The following GRIN2D variants were observed in gnomAD, a reference collection of about 807,000 sequenced individuals.
GRIN2D encodes the protein glutamate ionotropic receptor NMDA type subunit 2D, also known as glutamate receptor ionotropic, NMDA 2D.
Under a neutral mutation model 103.2 loss-of-function variants are expected in GRIN2D, and 37 were observed. That is an observed-to-expected ratio of 0.36 (90% CI 0.28 to 0.47). The LOEUF (loss-of-function observed/expected upper bound fraction) is 0.47. Ranked by LOEUF, GRIN2D falls within the 20% of genes least tolerant of loss-of-function variation. The pLI, the probability that GRIN2D is intolerant of heterozygous loss-of-function variation, is 1.00. For synonymous variants in GRIN2D, 845 were observed against 885.6 expected (o/e 0.95, Z 0.81); for missense variants, 1,557 against 1,910.6 (o/e 0.81, Z 3.45).
chr19:48,401,091 A>AC lies in GRIN2D; in HGVS notation c.465+2234_465+2235insC, dbSNP rs528610111. On this transcript the variant is annotated intron_variant, in intron 3 of 13. Transcript: ENST00000263269. ...GAGTGAGACTGTTCTCAAAAAAAAA[A>AC]AAAAAACAATAAACAAAAAGAACTC... 1.8e-4 allele frequency among the ~76,000 whole-genome samples: 27 copies of AC among 152,020 alleles called. No individual in the cohort carries two copies. The East Asian group carries it at 4.4e-3, about 25-fold the overall frequency.
chr19:48,398,249 G>C (rs1256062967), intron 2 of GRIN2D, 118 bp from the exon 3 acceptor site: 4 of 268,358 alleles, frequency 1.5e-5, no homozygotes, highest in Non-Finnish European at 2.4e-5. Context: ...TCCCCATCTC[G>C]GCGCCTGTCC....
intron 11 of GRIN2D, among the ~76,000 whole-genome samples, chr19:48,425,685 A>AT (rs914197882): frequency 1.3e-5 from 2 of 151,956 alleles, no homozygotes; most frequent in African/African-American, 2.4e-5. Context: ...GGATACCTGT[A>AT]TTTTTTTTCC....
chr19:48,397,223 G>A (rs1028887149), intron 2 of GRIN2D, among the ~76,000 whole-genome samples: 3 of 152,086 alleles, frequency 2.0e-5, no homozygotes, highest in Non-Finnish European at 4.4e-5. Context: ...TAGGGGTTGT[G>A]GTCAGGGTGA....
At chr19:48,396,229 G>A (rs1056243235) in intron 2 of GRIN2D, among the ~76,000 whole-genome samples, 9 of 152,092 alleles carry the variant, frequency 5.9e-5, no homozygotes, top group South Asian at 2.1e-4. Context: ...CCCTGAGGGC[G>A]TGGGTTCTGG....
chr19:48,428,105 C>T (rs546714446), intron 11 of GRIN2D, among the ~76,000 whole-genome samples: 253 of 147,214 alleles, frequency 1.7e-3, no homozygotes, highest in African/African-American at 6.0e-3. Flanking sequence ...GACATGATCT[C>T]GGCTCACTGC....
At chr19:48,422,602 T>C (rs1971037953) in intron 11 of GRIN2D, among the ~76,000 whole-genome samples, 1 of 146,066 alleles carries the variant, frequency 6.8e-6, no homozygotes. Flanking sequence ...AGAGCGAGAC[T>C]CCGTCTCAAA....
chr19:48,438,287 C>CTTTTTTTTTTTTTTTTTTTTTTT (rs71181697), intron 11 of GRIN2D, among the ~76,000 whole-genome samples: 2 of 57,726 alleles, frequency 3.5e-5, no homozygotes, highest in African/African-American at 1.5e-4. Context: ...ATCCAGCCGC[C>CTTTTTTTTTTTTTTTTTTTTTTT]TTTTTTTTTT....
At chr19:48,410,597 T>C (rs1569062345) in intron 4 of GRIN2D, among the ~76,000 whole-genome samples, 2 of 143,358 alleles carry the variant, frequency 1.4e-5, no homozygotes, top group Non-Finnish European at 3.0e-5. Flanking sequence ...TCAATGCAGG[T>C]TGAGAGGCCT....
chr19:48,442,561 C>A lies in GRIN2D; in HGVS notation c.2674-39C>A. ...AGGGGAGGCGGGCAGGCGTCCTGGG[C>A]ATCTCGCGCTGACCCCCGTCCTGTC... On this transcript the variant is annotated intron_variant, in intron 13 of 13. Coordinates refer to ENST00000263269, the MANE Select transcript of GRIN2D (RefSeq NM_000836.4). This position sits in a 1 kb window ranked among gnomAD's most constrained non-coding sequence, Gnocchi z 7.2. 2 of 1,477,606 alleles carry A rather than the reference C, an allele frequency of 1.4e-6. No individual in the cohort carries two copies. Among genetic ancestry groups the A allele is most frequent in the Non-Finnish European group, 1.8e-6 (2 of 1,120,266 alleles). The allele number at this position is 1,477,606 out of a possible 1,614,324, so 91.5% of individuals were successfully genotyped here. A position where few individuals can be genotyped will look rare whatever the true frequency, so the allele number is the denominator to read the frequency against.
chr19:48,432,392 C>T (rs111927454), intron 11 of GRIN2D, among the ~76,000 whole-genome samples: 3,218 of 152,064 alleles, frequency 0.021, 115 homozygotes, highest in African/African-American at 0.073. Context: ...CAATCGTATT[C>T]TCATGTCATT....
In GRIN2D at chr19:48,420,172, T is replaced by A. The variant is rs1023109978; in HGVS notation, c.2091+358T>A. Among the ~76,000 whole-genome samples the A allele has an allele frequency of 7.6e-4, 116 of 152,218 alleles. 1 individual carries two copies. Among genetic ancestry groups the A allele is most frequent in the Non-Finnish European group, 1.2e-3 (85 of 68,004 alleles). On this transcript the variant is annotated intron_variant, in intron 10 of 13. Transcript: ENST00000263269. Reference sequence around the variant, plus strand: ...GGCTGGGCGCGGTGGCTCACACCTGTAATCCCAGCACGTTGGGAGGCCGAG... The same window carrying A: ...GGCTGGGCGCGGTGGCTCACACCTGAAATCCCAGCACGTTGGGAGGCCGAG...
chr19:48,399,516 C>A (rs1970683930), intron 3 of GRIN2D, among the ~76,000 whole-genome samples: 1 of 152,008 alleles, frequency 6.6e-6, no homozygotes, highest in Non-Finnish European at 1.5e-5. Flanking sequence ...TGCGGTGAGC[C>A]GAGATCGTGC....
rs765801932 is a variant in GRIN2D at position 48,404,903 on chromosome 19, T to G, written c.635T>G (p.Leu212Arg). The G allele has an allele frequency of 6.2e-7, 1 of 1,614,094 alleles. No individual in the cohort carries two copies. The highest frequency in any genetic ancestry group is 8.5e-7 in the Non-Finnish European group (1 of 1,180,030). ...SYIEVLTDGS[L>R]VGWEHRGALT... ...ATTGAGGTGCTGACTGACGGTAGTC[T>G]GGTGGGCTGGGAGCACCGCGGAGCG... is the stretch of plus-strand genomic sequence containing the variant. Residue 212 changes from leucine to arginine, a missense_variant, in exon 4 of 14, where the codon CTG (leucine) becomes CGG (arginine). Physicochemically the swap from Leu to Arg is moderately radical, Grantham distance 102 (BLOSUM62 -2). This residue lies in a region of GRIN2D where 490 missense variants were observed against 601.1 expected (regional missense o/e 0.82). Transcript: ENST00000263269.
At chr19:48,408,479 A>G (rs1009150508) in intron 4 of GRIN2D, among the ~76,000 whole-genome samples, 2 of 152,000 alleles carry the variant, frequency 1.3e-5, no homozygotes, top group Non-Finnish European at 2.9e-5. Flanking sequence ...AGCCTGTGCA[A>G]CAAAGTGAGA....
chr19:48,396,037 G>C (rs2147431115), intron 2 of GRIN2D, among the ~76,000 whole-genome samples: 1 of 152,264 alleles, frequency 6.6e-6, no homozygotes, highest in South Asian at 2.1e-4. Context: ...AGGAGGTAGG[G>C]GATAGCGCTT....
rs1176097809 is a variant in GRIN2D, at chr19:48,443,255, C to G, written c.3329C>G (p.Pro1110Arg). 3 of 1,519,118 alleles carry G rather than the reference C, an allele frequency of 2.0e-6. No homozygotes were observed. Among genetic ancestry groups the G allele is most frequent in the African/African-American group, 1.4e-5 (1 of 69,636 alleles). 94.1% of individuals were successfully genotyped at this position (1,519,118 alleles called of 1,614,324 possible). A position where few individuals can be genotyped will look rare whatever the true frequency, so the allele number is the denominator to read the frequency against. The change falls in exon 14 of 14, where the codon CCG becomes CGG. Residue 1110 changes from proline to arginine, a missense_variant. Coordinates refer to ENST00000263269, the MANE Select transcript of GRIN2D (RefSeq NM_000836.4). The surrounding 1 kb of genome is among the most constrained non-coding windows in gnomAD (Gnocchi z 8.9). ...PPPCPYLDLE[P>R]SPSDSEDSES... ...CCGTGCCCTTACCTCGATCTCGAGCCGTCGCCGTCGGACTCGGAGGACTCG... is the reference window on the plus strand; with the variant it reads ...CCGTGCCCTTACCTCGATCTCGAGCGGTCGCCGTCGGACTCGGAGGACTCG...
At chr19:48,409,057 G>A (rs10422849) in intron 4 of GRIN2D, among the ~76,000 whole-genome samples, 3,608 of 151,980 alleles carry the variant, frequency 0.024, 136 homozygotes, top group African/African-American at 0.08. Flanking sequence ...AGATGTCACC[G>A]TCTGATGAGG....
chr19:48,421,634 C>A lies in GRIN2D; in HGVS notation c.2092-151C>A. Reference sequence around the variant, plus strand: ...TGTGTGCTGGGTGGGAGTGGAAAAGCATTCCCTAATGTAGTGAGCGAGTGT... The same window carrying A: ...TGTGTGCTGGGTGGGAGTGGAAAAGAATTCCCTAATGTAGTGAGCGAGTGT... On this transcript the variant is annotated intron_variant, in intron 10 of 13. Transcript: ENST00000263269. The surrounding 1 kb of genome is among the most constrained non-coding windows in gnomAD (Gnocchi z 4.8). 1.5e-6 allele frequency: 1 copy of A among 647,046 alleles called. No homozygotes were observed. The highest frequency in any genetic ancestry group is 2.7e-6 in the Non-Finnish European group (1 of 368,566). 40.1% of individuals were successfully genotyped at this position (647,046 alleles called of 1,614,324 possible).
chr19:48,419,510 T>C, intron 9 of GRIN2D, 75 bp from the exon 10 acceptor site: 1 of 1,386,142 alleles, frequency 7.2e-7, no homozygotes, highest in South Asian at 1.2e-5. Context: ...GAATTGTAGT[T>C]CTTTCTTTTT....
Sources: gnomAD v4.1 joint callset for allele counts (sites outside exome capture counted in the v4.1 genomes callset) on GRCh38, gnomAD v4.1.1 for gene constraint, gnomAD v4.1.1 regional missense constraint, Gnocchi (gnomAD v3.1) non-coding constraint, MANE v1.5 for transcripts, NCBI Gene and HGNC (gene_info 2026-07-23, HGNC 2026-07-21) for gene names.